The following TNR variants were observed in gnomAD, a reference collection of about 807,000 sequenced individuals.
TNR encodes tenascin R, also known as tenascin-R.
TNR carries 45 observed loss-of-function variants against 150.4 expected under a neutral mutation model. That is an observed-to-expected ratio of 0.30 (90% confidence interval 0.24 to 0.38). TNR has a LOEUF of 0.38. Ranked by LOEUF, TNR falls within the 10% of genes least tolerant of loss-of-function variation. The pLI is 1.00. For missense variants in TNR, 1,544 were observed against 1,759.1 expected, an observed-to-expected ratio of 0.88 and a Z score of 2.19; for synonymous variants, 687 against 678.4, an observed-to-expected ratio of 1.01 and a Z score of -0.20.
At chr1:175,341,463 A>C (rs982527606) in intron 18 of TNR, among the ~76,000 whole-genome samples, 3 of 152,228 alleles carry the variant, frequency 2.0e-5, no homozygotes, top group Admixed American at 2.0e-4. Flanking sequence ...TTGTGAGATC[A>C]ACGGGACCAT....
chr1:175,360,637 G>C (rs1651547942), intron 14 of TNR, among the ~76,000 whole-genome samples: 1 of 152,164 alleles, frequency 6.6e-6, no homozygotes, highest in Non-Finnish European at 1.5e-5. Flanking sequence ...TGTGGATCTT[G>C]CCCTATTCTC....
intron 1 of TNR, among the ~76,000 whole-genome samples, chr1:175,543,575 TC>T (rs1447892564): frequency 1.3e-5 from 2 of 152,180 alleles, no homozygotes; most frequent in Non-Finnish European, 2.9e-5. Flanking sequence ...ATTTATCCCT[TC>T]CTTTAATATG....
At chr1:175,731,371 C>T (rs6675876) in intron 1 of TNR, among the ~76,000 whole-genome samples, 43,405 of 151,832 alleles carry the variant, frequency 0.29, 6,312 homozygotes, top group African/African-American at 0.35. Flanking sequence ...TGGCAGTAAT[C>T]AATAGCAATT....
chr1:175,427,894 C>CTTCT (rs1655085039), intron 2 of TNR, among the ~76,000 whole-genome samples: 1 of 103,466 alleles, frequency 9.7e-6, no homozygotes, highest in Non-Finnish European at 1.9e-5. Context: ...TCTTCGCTTC[C>CTTCT]TTCCTTCCTT....
At chr1:175,726,167 A>G (rs1170535194) in intron 1 of TNR, among the ~76,000 whole-genome samples, 5 of 152,224 alleles carry the variant, frequency 3.3e-5, no homozygotes, top group African/African-American at 9.6e-5. Context: ...CTAAAGTACC[A>G]GTCCTCAAGA....
intron 3 of TNR, 113 bp downstream of exon 3, chr1:175,406,103 T>G: frequency 7.1e-7 from 1 of 1,414,662 alleles, no homozygotes; most frequent in African/African-American, 1.4e-5. Context: ...GCCGGGGTTT[T>G]GCTGGGAGTG....
intron 1 of TNR, among the ~76,000 whole-genome samples, chr1:175,734,001 C>G (rs925665951): frequency 6.6e-6 from 1 of 152,208 alleles, no homozygotes; most frequent in Non-Finnish European, 1.5e-5. Flanking sequence ...AGCCAACCTT[C>G]CCTTGAGCTC....
intron 1 of TNR, among the ~76,000 whole-genome samples, chr1:175,676,132 T>C (rs1400980239): frequency 1.3e-5 from 2 of 152,132 alleles, no homozygotes; most frequent in African/African-American, 4.8e-5. Flanking sequence ...TTCTGATCTT[T>C]AATGGCAGGT....
At chr1:175,414,984 G>T (rs1182945779) in intron 2 of TNR, among the ~76,000 whole-genome samples, 1 of 151,556 alleles carries the variant, frequency 6.6e-6, no homozygotes, top group Non-Finnish European at 1.5e-5. Context: ...AAATGAGCGT[G>T]AAGGTTGTTG....
At chr1:175,608,669 C>T (rs1290193647) in intron 1 of TNR, among the ~76,000 whole-genome samples, 1 of 151,928 alleles carries the variant, frequency 6.6e-6, no homozygotes, top group Non-Finnish European at 1.5e-5. Context: ...TGTAAATCAA[C>T]AACAAAAAAG....
chr1:175,602,481 A>G (rs1213409888), intron 1 of TNR, among the ~76,000 whole-genome samples: 1 of 152,238 alleles, frequency 6.6e-6, no homozygotes, highest in African/African-American at 2.4e-5. Context: ...CATCAAGTTT[A>G]TCAACAGGTC....
chr1:175,643,582 G>C (rs1357015684), intron 1 of TNR, among the ~76,000 whole-genome samples: 1 of 152,134 alleles, frequency 6.6e-6, no homozygotes, highest in African/African-American at 2.4e-5. Context: ...ACAAAATAAA[G>C]GATGGTTTGT....
intron 1 of TNR, among the ~76,000 whole-genome samples, chr1:175,531,776 T>C (rs1660079248): frequency 6.6e-6 from 1 of 152,174 alleles, no homozygotes; most frequent in Non-Finnish European, 1.5e-5. Flanking sequence ...GTCTAGAAAA[T>C]GTGCATTATA....
intron 9 of TNR, among the ~76,000 whole-genome samples, chr1:175,371,456 C>T (rs948130766): frequency 8.5e-5 from 13 of 152,166 alleles, no homozygotes; most frequent in African/African-American, 2.2e-4. Flanking sequence ...CTGAACAAGA[C>T]ATTAGCCTTG....
At chr1:175,741,095 A>G (rs1667914055) in intron 1 of TNR, among the ~76,000 whole-genome samples, 1 of 152,226 alleles carries the variant, frequency 6.6e-6, no homozygotes. Flanking sequence ...ATTCTTCACC[A>G]GAGAGAGGCC....
intron 1 of TNR, among the ~76,000 whole-genome samples, chr1:175,616,538 C>T (rs933660143): frequency 2.6e-5 from 4 of 152,130 alleles, no homozygotes; most frequent in African/African-American, 9.7e-5. Context: ...AGGATGGGGG[C>T]AGAGGAAACA....
chr1:175,352,279 T>A (rs906104805), intron 18 of TNR, among the ~76,000 whole-genome samples: 2 of 152,208 alleles, frequency 1.3e-5, no homozygotes, highest in Non-Finnish European at 2.9e-5. Context: ...TGTGGCATCA[T>A]CAGTGTGGGA....
At chr1:175,657,855 A>G (rs1360986139) in intron 1 of TNR, among the ~76,000 whole-genome samples, 4 of 99,756 alleles carry the variant, frequency 4.0e-5, no homozygotes, top group East Asian at 2.7e-4. Context: ...TGGAACATGT[A>G]TATATATATA....
rs1210965079 is a variant in TNR at position 175,650,836 on chromosome 1, C to T, written c.-165+92390G>A. On this transcript the variant is annotated intron_variant, in intron 1 of 22. Coordinates refer to ENST00000367674, the MANE Select transcript of TNR (RefSeq NM_003285.3). ...GTCCCCCACCTCCTTACTACCCCTC[C>T]CCCACCTCATTACTACCCATCTCCC... is the stretch of plus-strand genomic sequence containing the variant. Among the ~76,000 whole-genome samples the T allele has an allele frequency of 8.9e-4, 23 of 25,834 alleles. 1 individual carries two copies. Among genetic ancestry groups the T allele is most frequent in the Middle Eastern group, 0.02 (1 of 50 alleles). The allele number at this position is 25,834 out of a possible 152,430, so 16.9% of individuals were successfully genotyped here. A position where few individuals can be genotyped will look rare whatever the true frequency, so the allele number is the denominator to read the frequency against.
Sources: allele counts gnomAD v4.1 joint callset (sites outside exome capture counted in the v4.1 genomes callset), GRCh38; gene constraint gnomAD v4.1.1; transcripts MANE v1.5; gene names NCBI Gene and HGNC (gene_info 2026-07-23, HGNC 2026-07-21).